The following CAMK2D variants were observed in gnomAD, a reference collection of about 807,000 sequenced individuals.
The protein encoded by CAMK2D is calcium/calmodulin dependent protein kinase II delta.
A neutral mutation model predicts 84.0 loss-of-function variants in CAMK2D; 37 were observed. That is an observed-to-expected ratio of 0.44 (90% confidence interval 0.34 to 0.58). The LOEUF is 0.58. Ranked by LOEUF, CAMK2D falls within the 20% of genes least tolerant of loss-of-function variation. CAMK2D has a pLI of 0.02. For synonymous variants in CAMK2D, 202 were observed against 212.5 expected (o/e 0.95, Z 0.43); for missense variants, 448 against 652.5 (o/e 0.69, Z 3.41).
rs191780489 is a variant in CAMK2D at position 113,747,836 on chromosome 4, A to C, written c.160+11484T>G. On this transcript the variant is annotated intron_variant, in intron 2 of 20. Coordinates refer to ENST00000511664, the MANE Select transcript of CAMK2D (RefSeq NM_001321571.2). The stretch of plus-strand genomic sequence containing the variant: ...CCTCCAACAGCTCTTGCCATACTTA[A>C]TGATTCGTTGGAAGAAAAAACTCCC... 1.4e-3 allele frequency among the ~76,000 whole-genome samples: 206 copies of C among 152,180 alleles called. 1 individual carries two copies. The highest frequency in any genetic ancestry group is 4.7e-3 in the African/African-American group (196 of 41,536).
At position 113,517,691 on chromosome 4, in the gene CAMK2D, T is replaced by G. The variant is rs376424761; in HGVS notation, c.602-34A>C. Reference sequence around the variant, plus strand: ...GAATATAATGTTAACACAATTTAAGTCATATAGACAACAGTAAATTAAATG... The same window carrying G: ...GAATATAATGTTAACACAATTTAAGGCATATAGACAACAGTAAATTAAATG... On this transcript the variant is annotated intron_variant, in intron 8 of 20. Transcript: ENST00000511664. 3.1e-6 allele frequency: 3 copies of G among 975,042 alleles called. No individual in the cohort carries two copies. In the African/African-American group the frequency reaches 4.8e-5, roughly 16 times the overall value. 60.4% of individuals were successfully genotyped at this position (975,042 alleles called of 1,614,324 possible). A position where few individuals can be genotyped will look rare whatever the true frequency, so the allele number is the denominator to read the frequency against.
chr4:113,626,131 TGAGA>T (rs367842335), intron 3 of CAMK2D, among the ~76,000 whole-genome samples: 1 of 152,150 alleles, frequency 6.6e-6, no homozygotes, highest in East Asian at 1.9e-4. Context: ...CAGGAACTGC[TGAGA>T]GAGTGGGATG....
At chr4:113,569,256 AT>A (rs912604849) in intron 4 of CAMK2D, among the ~76,000 whole-genome samples, 16 of 152,018 alleles carry the variant, frequency 1.1e-4, no homozygotes, top group Non-Finnish European at 1.8e-4. Flanking sequence ...CAATGTATCT[AT>A]TTTTTCTTTT....
chr4:113,735,797 A>C (rs2099579989), intron 2 of CAMK2D, among the ~76,000 whole-genome samples: 1 of 152,204 alleles, frequency 6.6e-6, no homozygotes, highest in African/African-American at 2.4e-5. Context: ...TAGCCAGATA[A>C]AAGACAAATG....
At chr4:113,474,589 A>G (rs2097582886) in intron 16 of CAMK2D, among the ~76,000 whole-genome samples, 1 of 141,460 alleles carries the variant, frequency 7.1e-6, no homozygotes, top group Admixed American at 7.7e-5. Flanking sequence ...CTGCTAATCA[A>G]TTTTATATTA....
At position 113,550,104 on chromosome 4, in the gene CAMK2D, A is replaced by T. The variant is rs185982818; in HGVS notation, c.341+1927T>A. ...TAACACATACTAAATGGACTTCACC[A>T]TTTTTTTTACTAGTGAGAATGGATT... is the stretch of plus-strand genomic sequence containing the variant. On this transcript the variant is annotated intron_variant, in intron 5 of 20. Transcript: ENST00000511664. 4.7e-4 allele frequency among the ~76,000 whole-genome samples: 71 copies of T among 152,128 alleles called. No homozygotes were observed. In the East Asian group the frequency reaches 0.013, roughly 27 times the overall value.
chr4:113,644,132 G>A (rs1214086261), intron 3 of CAMK2D, among the ~76,000 whole-genome samples: 1 of 152,170 alleles, frequency 6.6e-6, no homozygotes, highest in East Asian at 1.9e-4. Flanking sequence ...AAGACGTGCA[G>A]ACCCTGGTAT....
At chr4:113,624,198 TG>T (rs1365587317) in intron 3 of CAMK2D, among the ~76,000 whole-genome samples, 1 of 152,142 alleles carries the variant, frequency 6.6e-6, no homozygotes, top group Non-Finnish European at 1.5e-5. Context: ...TTAACCGCCT[TG>T]GAAGTAATAC....
At chr4:113,457,604 G>A in intron 18 of CAMK2D, 41 bp from the exon 19 acceptor site, 1 of 1,555,684 alleles carries the variant, frequency 6.4e-7, no homozygotes, top group Non-Finnish European at 8.8e-7. Flanking sequence ...TAGTTTCTAT[G>A]TAAAGGAAAC....
At chr4:113,612,700 A>G (rs948052067) in intron 3 of CAMK2D, among the ~76,000 whole-genome samples, 1 of 152,228 alleles carries the variant, frequency 6.6e-6, no homozygotes, top group East Asian at 1.9e-4. Context: ...TTCTTTTTGA[A>G]GTTTGCTCAA....
At chr4:113,666,761 C>A (rs561237992) in intron 2 of CAMK2D, among the ~76,000 whole-genome samples, 2 of 152,116 alleles carry the variant, frequency 1.3e-5, no homozygotes, top group East Asian at 3.8e-4. Context: ...GAGGAGTTGC[C>A]CATGGGAGCA....
intron 4 of CAMK2D, among the ~76,000 whole-genome samples, chr4:113,594,381 C>T (rs2098913645): frequency 6.6e-6 from 1 of 152,210 alleles, no homozygotes; most frequent in South Asian, 2.1e-4. Context: ...AATAACAAGG[C>T]ATACTAAAGG....
intron 4 of CAMK2D, among the ~76,000 whole-genome samples, chr4:113,600,950 T>C (rs1436428808): frequency 6.6e-6 from 1 of 152,148 alleles, no homozygotes; most frequent in East Asian, 1.9e-4. Flanking sequence ...TATAGATATG[T>C]TAAGAAGAAA....
intron 3 of CAMK2D, among the ~76,000 whole-genome samples, chr4:113,660,793 CTTTTT>C (rs551244067): frequency 7.7e-6 from 1 of 129,478 alleles, no homozygotes. Context: ...CTGAACAATT[CTTTTT>C]TTTTTTTTTT....
chr4:113,630,944 T>C (rs925962270), intron 3 of CAMK2D, among the ~76,000 whole-genome samples: 1 of 152,172 alleles, frequency 6.6e-6, no homozygotes, highest in African/African-American at 2.4e-5. Flanking sequence ...ATATGCCAAT[T>C]GTCTAGCATA....
chr4:113,677,779 A>G (rs1319094191), intron 2 of CAMK2D, among the ~76,000 whole-genome samples: 1 of 152,134 alleles, frequency 6.6e-6, no homozygotes, highest in Non-Finnish European at 1.5e-5. Context: ...TTAAAGAGAT[A>G]AGTCAGTCAA....
intron 17 of CAMK2D, among the ~76,000 whole-genome samples, chr4:113,461,359 T>G (rs550083425): frequency 2.0e-5 from 3 of 152,322 alleles, no homozygotes; most frequent in East Asian, 3.9e-4. Flanking sequence ...CTAGAATAGA[T>G]GAACAGGAAA....
chr4:113,494,137 G>A (rs905616933), intron 16 of CAMK2D, among the ~76,000 whole-genome samples: 27 of 152,164 alleles, frequency 1.8e-4, no homozygotes, highest in African/African-American at 6.0e-4. Context: ...CCTTCTCTCA[G>A]CTCGTCAAAG....
At chr4:113,747,741 C>T (rs1039052816) in intron 2 of CAMK2D, among the ~76,000 whole-genome samples, 10 of 152,040 alleles carry the variant, frequency 6.6e-5, no homozygotes, top group Non-Finnish European at 1.5e-4. Flanking sequence ...GTTAATTATT[C>T]CTCTCTTATC....
Sources: gnomAD v4.1 joint callset for allele counts (sites outside exome capture counted in the v4.1 genomes callset) on GRCh38, gnomAD v4.1.1 for gene constraint, MANE v1.5 for transcripts, NCBI Gene and HGNC (gene_info 2026-07-23, HGNC 2026-07-21) for gene names.